The following NEK10 variants were observed in gnomAD, a reference collection of about 807,000 sequenced individuals.
NEK10 encodes the protein NIMA related kinase 10, also known as serine/threonine-protein kinase Nek10.
A neutral mutation model predicts 159.8 loss-of-function variants in NEK10; 122 were observed. The observed-to-expected ratio is 0.76, with a 90% confidence interval of 0.66 to 0.89. The LOEUF (loss-of-function observed/expected upper bound fraction) is 0.89. Among genes scored for constraint, NEK10 ranks in the 40% least tolerant of loss-of-function variants. The pLI, the probability that NEK10 is intolerant of heterozygous loss-of-function variation, is 0.00. For synonymous variants in NEK10, 466 were observed against 457.1 expected, an observed-to-expected ratio of 1.02 and a Z score of -0.25; for missense variants, 1,342 against 1,323.1, an observed-to-expected ratio of 1.01 and a Z score of -0.22.
At chr3:27,249,588 T>C (rs1955442408) in intron 23 of NEK10, among the ~76,000 whole-genome samples, 1 of 152,134 alleles carries the variant, frequency 6.6e-6, no homozygotes, top group Non-Finnish European at 1.5e-5. Flanking sequence ...TTTTTCCTTC[T>C]CTTTATTTTC....
At chr3:27,242,130 G>A (rs1187659572) in intron 23 of NEK10, among the ~76,000 whole-genome samples, 1 of 152,206 alleles carries the variant, frequency 6.6e-6, no homozygotes, top group Non-Finnish European at 1.5e-5. Flanking sequence ...AAGGAGGCAG[G>A]ATCTCTAAAG....
chr3:27,221,202 C>T (rs1258062871), intron 23 of NEK10, among the ~76,000 whole-genome samples: 1 of 152,182 alleles, frequency 6.6e-6, no homozygotes, highest in Admixed American at 6.5e-5. Flanking sequence ...CCTCAAAGGA[C>T]ATTATCAAGA....
At chr3:27,259,792 C>T (rs1365368628) in intron 22 of NEK10, among the ~76,000 whole-genome samples, 9 of 152,058 alleles carry the variant, frequency 5.9e-5, no homozygotes, top group African/African-American at 1.7e-4. Context: ...GGCATTGAAC[C>T]TATAAATTAC....
At chr3:27,355,436 C>A (rs1350261712) in intron 1 of NEK10, among the ~76,000 whole-genome samples, 1 of 152,066 alleles carries the variant, frequency 6.6e-6, no homozygotes, top group East Asian at 1.9e-4. Context: ...ACCCCCACCC[C>A]CTAGTAACAA....
intron 22 of NEK10, chr3:27,278,919 C>T (rs1163893449): frequency 3.0e-6 from 3 of 984,852 alleles, no homozygotes; most frequent in African/African-American, 1.7e-5. Context: ...ACCACTGAAT[C>T]GGGGTCTGTT....
At chr3:27,264,998 A>G (rs2040769272) in intron 22 of NEK10, among the ~76,000 whole-genome samples, 1 of 152,182 alleles carries the variant, frequency 6.6e-6, no homozygotes, top group African/African-American at 2.4e-5. Context: ...AAGGAAAACC[A>G]TGATCATCTC....
chr3:27,224,729 T>C (rs1161814859), intron 23 of NEK10, among the ~76,000 whole-genome samples: 3 of 152,182 alleles, frequency 2.0e-5, no homozygotes. Context: ...AAAGCTCACA[T>C]GTAAGCTCCG....
intron 22 of NEK10, among the ~76,000 whole-genome samples, chr3:27,268,708 T>A: frequency 6.6e-6 from 1 of 152,230 alleles, no homozygotes; most frequent in East Asian, 1.9e-4. Flanking sequence ...AAAAGATTAA[T>A]GTTATTTTCA....
At chr3:27,249,972 TAAAC>T (rs1955482717) in intron 23 of NEK10, among the ~76,000 whole-genome samples, 1 of 152,178 alleles carries the variant, frequency 6.6e-6, no homozygotes. Context: ...ACTGATTGCA[TAAAC>T]AAACAAGCAA....
chr3:27,276,844 T>G (rs142168355), intron 22 of NEK10, among the ~76,000 whole-genome samples: 209 of 152,284 alleles, frequency 1.4e-3, no homozygotes, highest in Middle Eastern at 3.4e-3. Flanking sequence ...TGGACAAAAG[T>G]GCAAGAGCCT....
At chr3:27,239,129 A>G (rs1184993728) in intron 23 of NEK10, among the ~76,000 whole-genome samples, 2 of 152,116 alleles carry the variant, frequency 1.3e-5, no homozygotes, top group African/African-American at 2.4e-5. Flanking sequence ...AAAGGGGCCA[A>G]TCTCCCATTT....
intron 5 of NEK10, among the ~76,000 whole-genome samples, chr3:27,331,237 C>CAA (rs11351970): frequency 2.7e-4 from 8 of 29,580 alleles, no homozygotes; most frequent in Non-Finnish European, 5.8e-4. Context: ...GACTCTGTCT[C>CAA]AAAAAAAAAA....
intron 10 of NEK10, 120 bp from the exon 11 acceptor site, chr3:27,308,065 G>T: frequency 1.7e-6 from 1 of 590,960 alleles, no homozygotes. Context: ...AAGGAAAGAG[G>T]TTTACTTGAC....
chr3:27,341,067 G>A (rs1030634188), intron 5 of NEK10, among the ~76,000 whole-genome samples: 1 of 152,102 alleles, frequency 6.6e-6, no homozygotes, highest in African/African-American at 2.4e-5. Context: ...GGAACTGGAA[G>A]GCATTATGTT....
At chr3:27,236,483 C>A (rs957032122) in intron 23 of NEK10, among the ~76,000 whole-genome samples, 11 of 152,084 alleles carry the variant, frequency 7.2e-5, no homozygotes, top group Admixed American at 7.2e-4. Context: ...ATCGGGGGAA[C>A]CAGCTCCCAA....
At chr3:27,316,885 C>T (rs914420004) in intron 6 of NEK10, among the ~76,000 whole-genome samples, 1 of 152,120 alleles carries the variant, frequency 6.6e-6, no homozygotes, top group South Asian at 2.1e-4. Flanking sequence ...TTAACAAATT[C>T]TCTATCTCAG....
chr3:27,282,538 T>TTTTATATATATATA (rs1553615978), intron 22 of NEK10, among the ~76,000 whole-genome samples: 1 of 42,144 alleles, frequency 2.4e-5, no homozygotes, highest in African/African-American at 8.7e-5. Flanking sequence ...CATAAATGTG[T>TTTTATATATATATA]TATATATATA....
At chr3:27,275,964 G>A (rs748281585) in intron 22 of NEK10, among the ~76,000 whole-genome samples, 3 of 152,002 alleles carry the variant, frequency 2.0e-5, no homozygotes, top group Non-Finnish European at 2.9e-5. Context: ...CTTTGCCCAT[G>A]TGCGCATGCA....
chr3:27,155,707 C>T (rs1001932390), intron 30 of NEK10, among the ~76,000 whole-genome samples: 1 of 151,934 alleles, frequency 6.6e-6, no homozygotes, highest in Non-Finnish European at 1.5e-5. Flanking sequence ...GTGAAAATGA[C>T]CATACTTCCA....
Sources: gnomAD v4.1 joint callset for allele counts (sites outside exome capture counted in the v4.1 genomes callset) on GRCh38, gnomAD v4.1.1 for gene constraint, MANE v1.5 for transcripts, NCBI Gene and HGNC (gene_info 2026-07-23, HGNC 2026-07-21) for gene names.